The following NCOR2 variants were observed in gnomAD, a reference collection of about 807,000 sequenced individuals.
The protein encoded by NCOR2 is nuclear receptor corepressor 2.
Under a neutral mutation model 262.9 loss-of-function variants are expected in NCOR2, and 81 were observed. The observed-to-expected ratio is 0.31, with a 90% CI of 0.26 to 0.37. NCOR2 has a LOEUF of 0.37. Among genes scored for constraint, NCOR2 ranks in the 10% least tolerant of loss-of-function variants. NCOR2 has a pLI of 1.00. For missense variants in NCOR2, 3,385 were observed against 3,621.4 expected (o/e 0.93, Z 1.68); for synonymous variants, 1,659 against 1,559.3 (o/e 1.06, Z -1.51).
At position 124,350,719 on chromosome 12, in the gene NCOR2, G is replaced by A. The variant is rs186883712; in HGVS notation, c.3712C>T (p.Leu1238=). The A allele has an allele frequency of 8.7e-6, 14 of 1,612,342 alleles. No individual in the cohort carries two copies. In the East Asian group the frequency reaches 2.9e-4, roughly 33 times the overall value. ...ATCCTGGTGATGGTGCCCTTGTACA[G>A]GACGTCAGCTGGCGTGCCCTGCAGG... Residue 1238 remains leucine (L), a synonymous_variant, in exon 28 of 47, where the codon CTG becomes TTG. Transcript: ENST00000405201.
At chr12:124,410,979 C>T (rs551562794) in intron 13 of NCOR2, among the ~76,000 whole-genome samples, 1 of 136,304 alleles carries the variant, frequency 7.3e-6, no homozygotes, top group Non-Finnish European at 1.5e-5. Context: ...GGGGGAGGAG[C>T]AGAGACCTGG....
chr12:124,429,814 G>C, intron 9 of NCOR2, 108 bp from the exon 12 acceptor site: 1 of 1,098,688 alleles, frequency 9.1e-7, no homozygotes, highest in East Asian at 2.6e-5. Context: ...GGAGAAGTGT[G>C]GGCAGCGGCC....
At position 124,390,097 on chromosome 12, in the gene NCOR2, G is replaced by A. The variant is rs370408100; in HGVS notation, c.1877-4210C>T. Among the ~76,000 whole-genome samples the A allele has an allele frequency of 6.6e-5, 10 of 152,226 alleles. No individual in the cohort carries two copies. The East Asian group carries it at 7.7e-4, about 12-fold the overall frequency. Reference sequence around the variant, plus strand: ...GTCCTGGGGCACGATGCCAGGGGAGGGCAACAAACCTCAACCACATCAGGG... The same window carrying A: ...GTCCTGGGGCACGATGCCAGGGGAGAGCAACAAACCTCAACCACATCAGGG... On this transcript the variant is annotated intron_variant, in intron 16 of 46. Coordinates refer to ENST00000405201, the Ensembl canonical transcript of NCOR2.
chr12:124,403,707 G>A (rs1169428242), intron 13 of NCOR2, among the ~76,000 whole-genome samples: 1 of 152,214 alleles, frequency 6.6e-6, no homozygotes, highest in African/African-American at 2.4e-5. Context: ...TCGGGGAGGT[G>A]AGAGAGACTC....
intron 1 of NCOR2, among the ~76,000 whole-genome samples, chr12:124,530,723 G>T (rs1348547141): frequency 6.6e-6 from 1 of 152,148 alleles, no homozygotes; most frequent in Non-Finnish European, 1.5e-5. Flanking sequence ...CTGCCCCTCA[G>T]TCTCCCCCTC....
exon 20 of NCOR2, chr12:124,372,042 G>T: frequency 6.3e-7 from 1 of 1,596,828 alleles, no homozygotes. Flanking sequence ...CGCCGCCCTC[G>T]GCCTCATCCA....
At position 124,419,858 on chromosome 12, in the gene NCOR2, A is replaced by C. The variant is rs568299429; in HGVS notation, c.1482+99T>G. 3.7e-6 allele frequency: 4 copies of C among 1,069,068 alleles called. No homozygotes were observed. The African/African-American group carries it at 4.7e-5, about 12-fold the overall frequency. 66.2% of individuals were successfully genotyped at this position (1,069,068 alleles called of 1,614,324 possible). A position where few individuals can be genotyped will look rare whatever the true frequency, so the allele number is the denominator to read the frequency against. On this transcript the variant is annotated intron_variant, in intron 13 of 46. Transcript: ENST00000405201. ...GGCCAAGCAACAACAACTCATGGAG[A>C]CAGTTACCGCCAGCCATGCGGGGTG...
exon 27 of NCOR2, chr12:124,354,113 A>G (rs1204612218): frequency 1.2e-6 from 2 of 1,610,310 alleles, no homozygotes; most frequent in African/African-American, 1.3e-5. Flanking sequence ...GAGCCGCGGT[A>G]TGTGATGGCG....
chr12:124,393,021 C>G (rs1052200600), intron 16 of NCOR2, among the ~76,000 whole-genome samples: 1 of 152,232 alleles, frequency 6.6e-6, no homozygotes, highest in Admixed American at 6.5e-5. Context: ...AGCCAACTCC[C>G]GGTCTAGAAT....
chr12:124,546,464 A>C (rs966148321), intron 1 of NCOR2, among the ~76,000 whole-genome samples: 4 of 152,152 alleles, frequency 2.6e-5, no homozygotes, highest in Admixed American at 1.3e-4. Context: ...GCTGGAGTGC[A>C]GTGGTGTGAC....
intron 5 of NCOR2, among the ~76,000 whole-genome samples, chr12:124,459,196 G>T (rs1049641342): frequency 6.6e-6 from 1 of 152,134 alleles, no homozygotes; most frequent in South Asian, 2.1e-4. Flanking sequence ...GTGGGGATCA[G>T]CAGCAACTGT....
rs539468758 is a variant in NCOR2 at position 124,395,990 on chromosome 12, G to A, written c.1876+2129C>T. Among the ~76,000 whole-genome samples the A allele has an allele frequency of 3.9e-5, 6 of 152,180 alleles. No individual in the cohort carries two copies. The South Asian group carries it at 8.3e-4, about 21-fold the overall frequency. On this transcript the variant is annotated intron_variant, in intron 16 of 46. Transcript: ENST00000405201. ...ATGAACGACCGACAAAATGTGGTCC[G>A]TGCAGGTGAGGGAATATTATTCAGC...
chr12:124,560,583 T>A (rs1327718232), intron 1 of NCOR2, among the ~76,000 whole-genome samples: 1 of 152,244 alleles, frequency 6.6e-6, no homozygotes, highest in Non-Finnish European at 1.5e-5. Flanking sequence ...AGGATGTGAC[T>A]ATGACGGCGA....
In NCOR2 at chr12:124,341,068, A is replaced by G. The variant is rs11837053; in HGVS notation, c.5189-317T>C. Reference sequence around the variant, plus strand: ...CTACACAATCCATTCCCTGTATTCAATCCTCACTGTTCAAAATACTTAAGT... The same window carrying G: ...CTACACAATCCATTCCCTGTATTCAGTCCTCACTGTTCAAAATACTTAAGT... On this transcript the variant is annotated intron_variant, in intron 34 of 46. Transcript: ENST00000405201. 8.9e-3 allele frequency among the ~76,000 whole-genome samples: 1,361 copies of G among 152,230 alleles called. 19 individuals are homozygous for G. Among genetic ancestry groups the G allele is most frequent in the African/African-American group, 0.031 (1,285 of 41,526 alleles).
chr12:124,329,887 C>G (rs2035031346), intron 44 of NCOR2, among the ~76,000 whole-genome samples: 1 of 152,194 alleles, frequency 6.6e-6, no homozygotes, highest in African/African-American at 2.4e-5. Flanking sequence ...ATTTCTAACC[C>G]TCTTGTTGTT....
intron 1 of NCOR2, among the ~76,000 whole-genome samples, chr12:124,492,937 G>A (rs1034118538): frequency 1.3e-5 from 2 of 152,202 alleles, no homozygotes; most frequent in African/African-American, 4.8e-5. Flanking sequence ...GGTCCGATAT[G>A]GGGCAGCTCC....
intron 10 of NCOR2, among the ~76,000 whole-genome samples, chr12:124,428,044 A>AGTGTGTGTGTGTGTGTGTGTGTGTGTGT (rs55965573): frequency 0.015 from 1,664 of 112,374 alleles, 136 homozygotes; most frequent in East Asian, 0.024. Context: ...CCATGTGGCC[A>AGTGTGTGTGTGTGTGTGTGTGTGTGTGT]GTGTGTGTGT....
chr12:124,358,423 C>T (rs531049149), intron 22 of NCOR2, among the ~76,000 whole-genome samples: 10 of 152,014 alleles, frequency 6.6e-5, no homozygotes, highest in African/African-American at 9.7e-5. Flanking sequence ...GATGTGTGTG[C>T]GCCTGTGTGT....
chr12:124,491,740 A>C (rs749152218), intron 1 of NCOR2, among the ~76,000 whole-genome samples: 6 of 152,150 alleles, frequency 3.9e-5, no homozygotes, highest in Non-Finnish European at 7.4e-5. Context: ...GGAGAGGAGG[A>C]GGCGTTGATC....
Sources: gnomAD v4.1 joint callset for allele counts (sites outside exome capture counted in the v4.1 genomes callset) on GRCh38, gnomAD v4.1.1 for gene constraint, MANE v1.5 for transcripts, NCBI Gene and HGNC (gene_info 2026-07-23, HGNC 2026-07-21) for gene names.